TMTC1: variants seen among roughly 807,000 people sequenced by gnomAD.
The protein encoded by TMTC1 is protein O-mannosyl-transferase TMTC1.
A neutral mutation model predicts 104.8 loss-of-function variants in TMTC1; 73 were observed. That is an observed-to-expected ratio of 0.70 (90% CI 0.58 to 0.85). The LOEUF (loss-of-function observed/expected upper bound fraction) is 0.85. Among genes scored for constraint, TMTC1 ranks in the 40% least tolerant of loss-of-function variants. The probability of loss-of-function intolerance (pLI) is 0.00; values close to 1 mark genes in which losing one functional copy is unlikely to be tolerated. For synonymous variants in TMTC1, 434 were observed against 428.7 expected, an observed-to-expected ratio of 1.01 and a Z score of -0.15; for missense variants, 1,035 against 1,096.1, an observed-to-expected ratio of 0.94 and a Z score of 0.79.
chr12:29,661,888 G>A (rs1053354469), intron 5 of TMTC1, among the ~76,000 whole-genome samples: 1 of 152,164 alleles, frequency 6.6e-6, no homozygotes, highest in Non-Finnish European at 1.5e-5. Flanking sequence ...GCAGGAACCT[G>A]TGTGGATCCT....
chr12:29,742,109 A>G (rs116848308), intron 5 of TMTC1, among the ~76,000 whole-genome samples: 2,584 of 152,270 alleles, frequency 0.017, 30 homozygotes, highest in Non-Finnish European at 0.022. Flanking sequence ...AATCTCTGAT[A>G]AAGACTTTAC....
In TMTC1 at chr12:29,755,818, T is replaced by C; in HGVS notation, c.622A>G (p.Ser208Gly). The C allele has an allele frequency of 1.2e-6, 2 of 1,614,044 alleles. No individual in the cohort carries two copies. Among genetic ancestry groups the C allele is most frequent in the Non-Finnish European group, 1.7e-6 (2 of 1,180,008 alleles). ...ATCGCACAGGTCCCCAGAAACAAAC[T>C]GAGCAGCAAGAAGAAGGGAGACACC... is the stretch of plus-strand genomic sequence containing the variant. ...STVSPFFLLLSLFLGTCAMLV... is the reference protein window; with the variant it reads ...STVSPFFLLLGLFLGTCAMLV... The change falls in exon 4 of 18, where the codon AGT (serine) becomes GGT (glycine). Residue 208 changes from serine (S) to glycine (G), a missense_variant. Transcript: ENST00000539277.
chr12:29,662,730 C>A (rs1940093261), intron 5 of TMTC1, among the ~76,000 whole-genome samples: 1 of 149,200 alleles, frequency 6.7e-6, no homozygotes, highest in East Asian at 2.0e-4. Flanking sequence ...TGCTTTGTAA[C>A]AAATGGTACT....
At chr12:29,593,229 C>T (rs1946326788) in intron 7 of TMTC1, among the ~76,000 whole-genome samples, 1 of 152,112 alleles carries the variant, frequency 6.6e-6, no homozygotes, top group Non-Finnish European at 1.5e-5. Context: ...TATTTCCTGC[C>T]AAACCCACAT....
intron 10 of TMTC1, 24 bp from the exon 11 acceptor site, chr12:29,536,341 G>T: frequency 7.1e-7 from 1 of 1,399,386 alleles, no homozygotes; most frequent in Non-Finnish European, 1.0e-6. Flanking sequence ...TGAAGGGGTG[G>T]GGGAGAACAT....
chr12:29,720,924 A>G (rs1327607107), intron 5 of TMTC1, among the ~76,000 whole-genome samples: 4 of 152,214 alleles, frequency 2.6e-5, no homozygotes, highest in Admixed American at 2.6e-4. Context: ...AACCCTGATT[A>G]TATACAAAAA....
At chr12:29,631,162 T>C (rs1056121376) in intron 6 of TMTC1, among the ~76,000 whole-genome samples, 2 of 152,236 alleles carry the variant, frequency 1.3e-5, no homozygotes, top group Admixed American at 1.3e-4. Context: ...AAGGCCTTTG[T>C]AGATTTATGT....
At chr12:29,570,680 C>T (rs1171494659) in intron 9 of TMTC1, among the ~76,000 whole-genome samples, 1 of 151,960 alleles carries the variant, frequency 6.6e-6, no homozygotes, top group East Asian at 1.9e-4. Flanking sequence ...CTGGTCTCTG[C>T]TAAAAATACA....
intron 5 of TMTC1, among the ~76,000 whole-genome samples, chr12:29,745,242 G>A (rs1942921960): frequency 6.6e-6 from 1 of 152,102 alleles, no homozygotes; most frequent in African/African-American, 2.4e-5. Flanking sequence ...CTTCTGCAGT[G>A]CCCTAACATT....
intron 5 of TMTC1, among the ~76,000 whole-genome samples, chr12:29,693,125 C>G (rs1319729366): frequency 6.9e-6 from 1 of 144,580 alleles, no homozygotes; most frequent in Non-Finnish European, 1.5e-5. Flanking sequence ...TTAATTGACA[C>G]ATAATAATTA....
At chr12:29,606,177 G>A (rs1163743489) in intron 6 of TMTC1, among the ~76,000 whole-genome samples, 1 of 152,176 alleles carries the variant, frequency 6.6e-6, no homozygotes. Context: ...AAACACATAA[G>A]TGCAGGCATC....
intron 5 of TMTC1, among the ~76,000 whole-genome samples, chr12:29,639,934 G>A (rs1938751499): frequency 6.6e-6 from 1 of 152,200 alleles, no homozygotes; most frequent in Non-Finnish European, 1.5e-5. Context: ...CTGAGCTCCA[G>A]GAAACAAGGC....
intron 6 of TMTC1, among the ~76,000 whole-genome samples, chr12:29,615,215 T>C (rs1393207343): frequency 1.3e-5 from 2 of 152,226 alleles, no homozygotes; most frequent in African/African-American, 2.4e-5. Flanking sequence ...GAAGAAGTTC[T>C]GTTAAAAGTG....
intron 8 of TMTC1, among the ~76,000 whole-genome samples, chr12:29,576,151 C>A (rs1350618997): frequency 6.6e-6 from 1 of 152,144 alleles, no homozygotes; most frequent in Non-Finnish European, 1.5e-5. Context: ...TGGATATTAA[C>A]CCCTTATTGG....
At chr12:29,746,408 T>C (rs370300697) in intron 5 of TMTC1, among the ~76,000 whole-genome samples, 1 of 152,200 alleles carries the variant, frequency 6.6e-6, no homozygotes, top group African/African-American at 2.4e-5. Flanking sequence ...GCAAATCTCA[T>C]ATCACTAGCT....
chr12:29,742,976 G>A (rs1340729119), intron 5 of TMTC1, among the ~76,000 whole-genome samples: 1 of 152,180 alleles, frequency 6.6e-6, no homozygotes, highest in Non-Finnish European at 1.5e-5. Context: ...TTTCTAAACA[G>A]TAATTCTTCC....
intron 5 of TMTC1, among the ~76,000 whole-genome samples, chr12:29,717,667 T>C (rs1338777620): frequency 6.6e-6 from 1 of 152,214 alleles, no homozygotes; most frequent in Non-Finnish European, 1.5e-5. Context: ...TTATTTAGTT[T>C]AAATGCCTCA....
intron 11 of TMTC1, among the ~76,000 whole-genome samples, chr12:29,529,665 CTCT>C (rs1481682921): frequency 6.6e-6 from 1 of 152,166 alleles, no homozygotes; most frequent in African/African-American, 2.4e-5. Flanking sequence ...TTTTCTCACC[CTCT>C]TCTTTGCTTT....
At chr12:29,517,322 T>C in intron 14 of TMTC1, 105 bp downstream of exon 14, 1 of 1,239,390 alleles carries the variant, frequency 8.1e-7, no homozygotes, top group Non-Finnish European at 1.1e-6. Context: ...ATACAGTGGA[T>C]ATATTACGGC....
Sources: gnomAD v4.1 joint callset for allele counts (sites outside exome capture counted in the v4.1 genomes callset) on GRCh38, gnomAD v4.1.1 for gene constraint, MANE v1.5 for transcripts, NCBI Gene and HGNC (gene_info 2026-07-23, HGNC 2026-07-21) for gene names.